The following CAB39 variants were observed in gnomAD, a reference collection of about 807,000 sequenced individuals.
CAB39 encodes the protein calcium-binding protein 39.
A neutral mutation model predicts 40.0 loss-of-function variants in CAB39; 8 were observed. The ratio of observed to expected loss-of-function variants is 0.20; its 90% CI spans 0.12 to 0.36. The LOEUF (loss-of-function observed/expected upper bound fraction) is 0.36. Ranked by LOEUF, CAB39 falls within the 10% of genes least tolerant of loss-of-function variation. The pLI, the probability that CAB39 is intolerant of heterozygous loss-of-function variation, is 1.00. For synonymous variants in CAB39, 156 were observed against 141.6 expected, an observed-to-expected ratio of 1.10 and a Z score of -0.72; for missense variants, 270 against 401.1, an observed-to-expected ratio of 0.67 and a Z score of 2.79.
chr2:230,773,308 A>ATGTGTGTGTGTGTG (rs1361313789), intron 2 of CAB39, among the ~76,000 whole-genome samples: 2 of 88,244 alleles, frequency 2.3e-5, no homozygotes, highest in African/African-American at 1.1e-4. Context: ...GTATATATAT[A>ATGTGTGTGTGTGTG]TATATATGTG....
At chr2:230,793,771 G>A (rs568581211) in intron 4 of CAB39, among the ~76,000 whole-genome samples, 1 of 152,268 alleles carries the variant, frequency 6.6e-6, no homozygotes, top group African/African-American at 2.4e-5. Context: ...ACTTTGTTGA[G>A]TCAGCAAAGT....
chr2:230,813,051 C>T (rs1334632341), intron 6 of CAB39, among the ~76,000 whole-genome samples: 1 of 152,144 alleles, frequency 6.6e-6, no homozygotes, highest in East Asian at 1.9e-4. Flanking sequence ...AAGCAGGCAT[C>T]CCCCGGCACT....
intron 1 of CAB39, among the ~76,000 whole-genome samples, chr2:230,714,709 A>T (rs1694318616): frequency 1.3e-5 from 2 of 152,252 alleles, no homozygotes; most frequent in African/African-American, 4.8e-5. Context: ...GAAAGGTAAA[A>T]CTTTGTTTTT....
intron 2 of CAB39, among the ~76,000 whole-genome samples, chr2:230,783,674 A>C (rs887202691): frequency 5.7e-5 from 8 of 139,594 alleles, no homozygotes; most frequent in African/African-American, 2.1e-4. Context: ...AATTTTTTGT[A>C]TTTTTAGGAG....
chr2:230,812,226 G>A (rs1696318000), intron 6 of CAB39, among the ~76,000 whole-genome samples: 1 of 152,184 alleles, frequency 6.6e-6, no homozygotes, highest in Admixed American at 6.5e-5. Flanking sequence ...TCTCTCCTTG[G>A]CGTTCTTAAA....
chr2:230,732,613 T>C (rs2124876307), intron 1 of CAB39, among the ~76,000 whole-genome samples: 1 of 152,292 alleles, frequency 6.6e-6, no homozygotes, highest in South Asian at 2.1e-4. Context: ...TTTTCAAATA[T>C]AGGGGTGCAT....
chr2:230,777,063 A>G (rs1192484150), intron 2 of CAB39, among the ~76,000 whole-genome samples: 2 of 152,152 alleles, frequency 1.3e-5, no homozygotes, highest in Non-Finnish European at 2.9e-5. Flanking sequence ...GGAAGTGTGT[A>G]TGAGTGTGTG....
chr2:230,760,383 A>G (rs1383990651), intron 2 of CAB39, among the ~76,000 whole-genome samples: 2 of 152,008 alleles, frequency 1.3e-5, no homozygotes, highest in African/African-American at 2.4e-5. Flanking sequence ...TTTATTTATT[A>G]TTACTAATTA....
At chr2:230,769,355 A>C (rs1381878696) in intron 2 of CAB39, among the ~76,000 whole-genome samples, 2 of 152,228 alleles carry the variant, frequency 1.3e-5, no homozygotes, top group Non-Finnish European at 2.9e-5. Flanking sequence ...ACAAGCAAGC[A>C]GAAAATCAGC....
chr2:230,788,027 A>C (rs1457000678), intron 2 of CAB39, among the ~76,000 whole-genome samples: 1 of 152,226 alleles, frequency 6.6e-6, no homozygotes, highest in Non-Finnish European at 1.5e-5. Context: ...GAAGCTTAGA[A>C]GGTTACATAA....
intron 5 of CAB39, among the ~76,000 whole-genome samples, chr2:230,803,574 C>G (rs1465928498): frequency 2.0e-5 from 3 of 152,206 alleles, no homozygotes; most frequent in Admixed American, 1.3e-4. Context: ...GATACAAAAT[C>G]AAGGTGCAAA....
At chr2:230,787,373 A>T (rs1402535996) in intron 2 of CAB39, among the ~76,000 whole-genome samples, 1 of 152,152 alleles carries the variant, frequency 6.6e-6, no homozygotes, top group East Asian at 1.9e-4. Context: ...AGACATACAT[A>T]TGAGATTTTC....
intron 2 of CAB39, among the ~76,000 whole-genome samples, chr2:230,771,699 C>G (rs564061085): frequency 6.6e-6 from 1 of 152,292 alleles, no homozygotes; most frequent in East Asian, 1.9e-4. Context: ...TGTCTGATTT[C>G]TAGACTTAAA....
At chr2:230,731,895 T>C (rs1003841474) in intron 1 of CAB39, among the ~76,000 whole-genome samples, 1 of 152,216 alleles carries the variant, frequency 6.6e-6, no homozygotes, top group Non-Finnish European at 1.5e-5. Context: ...AGAAAATAGT[T>C]AGCTTTTTCG....
Position 230,793,275 on chromosome 2 carries a change from T to G in CAB39, c.342T>G (p.Thr114=). 1 of 1,612,350 alleles carries G rather than the reference T, an allele frequency of 6.2e-7. No homozygotes were observed. The highest frequency in any genetic ancestry group is 8.5e-7 in the Non-Finnish European group (1 of 1,178,830). Residue 114 remains threonine, a synonymous_variant, in exon 4 of 9, where the codon ACT becomes ACG. Transcript: ENST00000258418. ...NILRRQIGTR[T]PTVEYICTQQ... Reference sequence around the variant, plus strand: ...TCAGAAGACAAATTGGTACGAGAACTCCTACTGTTGAATACATCTGCACCC... The same window carrying G: ...TCAGAAGACAAATTGGTACGAGAACGCCTACTGTTGAATACATCTGCACCC...
At chr2:230,743,098 G>T (rs1432326230) in intron 1 of CAB39, among the ~76,000 whole-genome samples, 1 of 152,206 alleles carries the variant, frequency 6.6e-6, no homozygotes, top group African/African-American at 2.4e-5. Flanking sequence ...AGGTGGGCAG[G>T]AGAGGTCTAA....
chr2:230,755,489 A>G (rs2954123), intron 1 of CAB39, among the ~76,000 whole-genome samples: 149,716 of 152,304 alleles, frequency 0.98, 73,601 homozygotes, highest in East Asian at 1. Flanking sequence ...TGATGGGATT[A>G]TTGGTTTTTT....
intron 6 of CAB39, among the ~76,000 whole-genome samples, chr2:230,811,023 A>G (rs1695453099): frequency 6.6e-6 from 1 of 152,186 alleles, no homozygotes; most frequent in Non-Finnish European, 1.5e-5. Context: ...TGCCAGCCTC[A>G]GGAGGATCTT....
intron 1 of CAB39, among the ~76,000 whole-genome samples, chr2:230,719,978 A>G (rs1694417634): frequency 6.6e-6 from 1 of 152,150 alleles, no homozygotes; most frequent in South Asian, 2.1e-4. Flanking sequence ...GCTTAGGGTA[A>G]TGAGAATAAC....
Sources: allele counts gnomAD v4.1 joint callset (sites outside exome capture counted in the v4.1 genomes callset), GRCh38; gene constraint gnomAD v4.1.1; transcripts MANE v1.5; gene names NCBI Gene and HGNC (gene_info 2026-07-23, HGNC 2026-07-21).